TMC6: variants seen among roughly 807,000 people sequenced by gnomAD.
The protein encoded by TMC6 is transmembrane channel-like protein 6.
A neutral mutation model predicts 95.4 loss-of-function variants in TMC6; 71 were observed. The observed-to-expected ratio is 0.74, with a 90% confidence interval of 0.61 to 0.91. TMC6 has a LOEUF of 0.91. Ranked by LOEUF, TMC6 falls within the 40% of genes least tolerant of loss-of-function variation. The pLI is 0.00. For missense variants in TMC6, 1,074 were observed against 1,079.1 expected (o/e 1.00, Z 0.07); for synonymous variants, 514 against 483.1 (o/e 1.06, Z -0.84).
chr17:78,129,238 T>C (rs1568007878), upstream of TMC6, among the ~76,000 whole-genome samples: 4 of 152,016 alleles, frequency 2.6e-5, no homozygotes, highest in Non-Finnish European at 4.4e-5. The surrounding 1 kb of genome is among the most constrained non-coding windows in gnomAD (Gnocchi z 4.3). Context: ...GCAAGAGTTC[T>C]GGCTCACTTC....
Position 78,125,852 on chromosome 17 carries a change from A to G in TMC6, c.304T>C (p.Tyr102His), listed in dbSNP as rs1226445546. Residue 102 changes from tyrosine to histidine, a missense_variant, in exon 5 of 20, where the codon TAC becomes CAC. Coordinates refer to ENST00000590602, the MANE Select transcript of TMC6 (RefSeq NM_001127198.5). ...RSRGAIISQY[Y>H]NRTVQLRCRS... ...CACCGAAGCTGCACCGTGCGGTTGT[A>G]GTACTGGGAGATGATGGCACCTCGG... 1.3e-6 allele frequency: 2 copies of G among 1,551,744 alleles called. No individual in the cohort carries two copies. Among genetic ancestry groups the G allele is most frequent in the Non-Finnish European group, 1.7e-6 (2 of 1,147,474 alleles).
Position 78,124,197 on chromosome 17 carries a change from A to G in TMC6, c.892-18T>C, listed in dbSNP as rs1181822200. The stretch of plus-strand genomic sequence containing the variant: ...AAGCAACCCTGCCACAGGGAGATCC[A>G]GCCGAGTCAGGGACTTTCCCCACGC... On this transcript the variant is annotated intron_variant, in intron 8 of 19. Coordinates refer to ENST00000590602, the MANE Select transcript of TMC6 (RefSeq NM_001127198.5). 1 of 1,610,754 alleles carries G rather than the reference A, an allele frequency of 6.2e-7. No individual in the cohort carries two copies. The highest frequency in any genetic ancestry group is 2.2e-5 in the East Asian group (1 of 44,874).
rs2074161044 is a variant in TMC6, at chr17:78,117,149, GCAAA to G, written c.2277+116_2277+119del. The G allele has an allele frequency of 1.8e-5, 19 of 1,074,236 alleles. No individual in the cohort carries two copies. In the Admixed American group the frequency reaches 2.1e-4, roughly 12 times the overall value. The allele number at this position is 1,074,236 out of a possible 1,614,324, so 66.5% of individuals were successfully genotyped here. A position where few individuals can be genotyped will look rare whatever the true frequency, so the allele number is the denominator to read the frequency against. On this transcript the variant is annotated intron_variant, in intron 18 of 19. Coordinates refer to ENST00000590602, the MANE Select transcript of TMC6 (RefSeq NM_001127198.5). ...CGTATTGATCAGGGTCACTTGTTTGGCAAACAAACCCTTTCACCAGCCAAGGCCC... is the reference window on the plus strand; with the variant it reads ...CGTATTGATCAGGGTCACTTGTTTGGCAAACCCTTTCACCAGCCAAGGCCC...
intron 18 of TMC6, among the ~76,000 whole-genome samples, chr17:78,114,261 C>T (rs1011249188): frequency 3.3e-5 from 5 of 152,140 alleles, no homozygotes; most frequent in Admixed American, 6.5e-5. Context: ...GTCCTGCTCA[C>T]GTGGCACCAC....
intron 1 of TMC6, among the ~76,000 whole-genome samples, chr17:78,127,419 A>G (rs1465847655): frequency 6.6e-6 from 1 of 152,082 alleles, no homozygotes; most frequent in Non-Finnish European, 1.5e-5. Flanking sequence ...TCCCCCACAC[A>G]CAGAGGTCAC....
chr17:78,126,899 G>C lies in TMC6; in HGVS notation c.-67C>G. 1.3e-6 allele frequency: 2 copies of C among 1,569,822 alleles called. No individual in the cohort carries two copies. Among genetic ancestry groups the C allele is most frequent in the Admixed American group, 1.8e-5 (1 of 56,272 alleles). On this transcript the variant is annotated 5_prime_UTR_variant, in exon 2 of 20. Transcript: ENST00000590602. ...TCAGAGCCTGGGCGCCACCTCCGGA[G>C]CCCCCATCTGATGAGACAGGGGCAC...
At position 78,121,273 on chromosome 17, in the gene TMC6, C is replaced by A; in HGVS notation, c.1384-109G>T. The A allele has an allele frequency of 6.6e-7, 1 of 1,504,868 alleles. No homozygotes were observed. The highest frequency in any genetic ancestry group is 8.9e-7 in the Non-Finnish European group (1 of 1,119,684). The allele number at this position is 1,504,868 out of a possible 1,614,324, so 93.2% of individuals were successfully genotyped here. A position where few individuals can be genotyped will look rare whatever the true frequency, so the allele number is the denominator to read the frequency against. On this transcript the variant is annotated intron_variant, in intron 11 of 19. Coordinates refer to ENST00000590602, the MANE Select transcript of TMC6 (RefSeq NM_001127198.5). This position sits in a 1 kb window ranked among gnomAD's most constrained non-coding sequence, Gnocchi z 5.6. ...ACTGGCAGGTAGCACCTCCCTCCTC[C>A]AAGATCTGGCCCTCCCCAGGCCTCA... is the stretch of plus-strand genomic sequence containing the variant.
upstream of TMC6, chr17:78,132,126 C>T: frequency 6.6e-7 from 1 of 1,517,074 alleles, no homozygotes; most frequent in Middle Eastern, 1.7e-4. Flanking sequence ...CCTGCCTTCA[C>T]CCGGGTCCCC....
At position 78,121,289 on chromosome 17, in the gene TMC6, C is replaced by T; in HGVS notation, c.1384-125G>A. 1.4e-6 allele frequency: 2 copies of T among 1,468,268 alleles called. No individual in the cohort carries two copies. Among genetic ancestry groups the T allele is most frequent in the Non-Finnish European group, 1.8e-6 (2 of 1,088,766 alleles). 91.0% of individuals were successfully genotyped at this position (1,468,268 alleles called of 1,614,324 possible). On this transcript the variant is annotated intron_variant, in intron 11 of 19. Coordinates refer to ENST00000590602, the MANE Select transcript of TMC6 (RefSeq NM_001127198.5). The surrounding 1 kb of genome is among the most constrained non-coding windows in gnomAD (Gnocchi z 5.6). ...TCCCTCCTCCAAGATCTGGCCCTCC[C>T]CAGGCCTCAAGTTCAAACCACACAG...
At chr17:78,132,349 C>G (rs1223286010), upstream of TMC6, 12 of 1,612,648 alleles carry the variant, frequency 7.4e-6, no homozygotes, top group African/African-American at 1.3e-5. Context: ...ACCCTGCTCT[C>G]CCACTGCAGG....
At chr17:78,127,583 C>A (rs1345265187) in intron 1 of TMC6, among the ~76,000 whole-genome samples, 3 of 152,248 alleles carry the variant, frequency 2.0e-5, no homozygotes, top group Non-Finnish European at 4.4e-5. Context: ...ACAACTGGAA[C>A]CAGAGCAGCC....
In TMC6 at chr17:78,123,068, C is replaced by T. The variant is rs1394794368; in HGVS notation, c.1083-319G>A. The stretch of plus-strand genomic sequence containing the variant: ...CCTCAGGGCCTTTGCACTGCTGGTC[C>T]CAATGACCAAAACATCTTCCCTGCT... On this transcript the variant is annotated intron_variant, in intron 9 of 19. Coordinates refer to ENST00000590602, the MANE Select transcript of TMC6 (RefSeq NM_001127198.5). 4 of 470,310 alleles carry T rather than the reference C, an allele frequency of 8.5e-6. No individual in the cohort carries two copies. The East Asian group carries it at 1.6e-4, about 19-fold the overall frequency. The allele number at this position is 470,310 out of a possible 1,614,324, so 29.1% of individuals were successfully genotyped here. A position where few individuals can be genotyped will look rare whatever the true frequency, so the allele number is the denominator to read the frequency against.
At chr17:78,131,641 C>G (rs1568011503), upstream of TMC6, 1 of 1,557,668 alleles carries the variant, frequency 6.4e-7, no homozygotes, top group South Asian at 1.2e-5. Flanking sequence ...GTGCCGGAGC[C>G]GGAGGAGCTG....
chr17:78,118,919 C>G lies in TMC6; in HGVS notation c.1887+52G>C, dbSNP rs926145338. ...GCTCTGCCCAGCTGAGTCCTGCCCC[C>G]ACTGCCGGCCACCCTGCCAGCCCAG... is the stretch of plus-strand genomic sequence containing the variant. On this transcript the variant is annotated intron_variant, in intron 15 of 19. Transcript: ENST00000590602. The G allele has an allele frequency of 2.6e-6, 4 of 1,544,576 alleles. No individual in the cohort carries two copies. In the African/African-American group the frequency reaches 4.1e-5, roughly 16 times the overall value.
chr17:78,120,158 T>A (rs1393297466), intron 13 of TMC6: 1 of 253,786 alleles, frequency 3.9e-6, no homozygotes, highest in African/African-American at 2.4e-5. Context: ...GTTACTTTTT[T>A]TTTTTTTTTT....
chr17:78,124,452 CAAG>C (rs2074591792), intron 8 of TMC6, 69 bp downstream of exon 8: 1 of 1,593,196 alleles, frequency 6.3e-7, no homozygotes, highest in Non-Finnish European at 8.5e-7. Context: ...GGAGCTGGGA[CAAG>C]AAGGGAACAC....
Position 78,122,498 on chromosome 17 carries a change from C to G in TMC6, c.1227+107G>C. ...CGCCCCGAGTTCAGCTCACGGACAG[C>G]TGGCCCTCCCTCTAGACCATGGTTC... On this transcript the variant is annotated intron_variant, in intron 10 of 19. Transcript: ENST00000590602. This position sits in a 1 kb window ranked among gnomAD's most constrained non-coding sequence, Gnocchi z 4.9. 15 of 1,518,506 alleles carry G rather than the reference C, an allele frequency of 9.9e-6. No homozygotes were observed. The highest frequency in any genetic ancestry group is 1.3e-5 in the Non-Finnish European group (15 of 1,128,702). 94.1% of individuals were successfully genotyped at this position (1,518,506 alleles called of 1,614,324 possible). A position where few individuals can be genotyped will look rare whatever the true frequency, so the allele number is the denominator to read the frequency against.
chr17:78,127,249 T>C (rs2074764589), intron 1 of TMC6, among the ~76,000 whole-genome samples: 1 of 152,200 alleles, frequency 6.6e-6, no homozygotes, highest in Non-Finnish European at 1.5e-5. Context: ...CCCAGGGTTC[T>C]GGCACAGAGA....
intron 17 of TMC6, 55 bp downstream of exon 17, chr17:78,117,413 G>GT: frequency 6.2e-7 from 1 of 1,611,764 alleles, no homozygotes; most frequent in South Asian, 1.1e-5. Flanking sequence ...TCCCCACACG[G>GT]TGCAGGCCCA....
Sources: gnomAD v4.1 joint callset for allele counts (sites outside exome capture counted in the v4.1 genomes callset) on GRCh38, gnomAD v4.1.1 for gene constraint, Gnocchi (gnomAD v3.1) non-coding constraint, MANE v1.5 for transcripts, NCBI Gene and HGNC (gene_info 2026-07-23, HGNC 2026-07-21) for gene names.